SVEP1: variants seen among roughly 807,000 people sequenced by gnomAD.
SVEP1 encodes the protein sushi, von Willebrand factor type A, EGF and pentraxin domain containing 1, also known as sushi, von Willebrand factor type A, EGF and pentraxin domain-containing protein 1.
SVEP1 carries 164 observed loss-of-function variants against 367.3 expected under a neutral mutation model. That is an observed-to-expected ratio of 0.45 (90% confidence interval 0.39 to 0.51). The LOEUF (loss-of-function observed/expected upper bound fraction) is 0.51, where lower values mean the gene tolerates loss of function less well. Among genes scored for constraint, SVEP1 ranks in the 20% least tolerant of loss-of-function variants. The pLI is 0.00. For missense variants in SVEP1, 4,117 were observed against 4,425.3 expected, an observed-to-expected ratio of 0.93 and a Z score of 1.98; for synonymous variants, 1,666 against 1,611.6, an observed-to-expected ratio of 1.03 and a Z score of -0.81.
rs778427738 is a variant in SVEP1, at chr9:110,443,673, G to A, written c.4511C>T (p.Ser1504Leu). 1.4e-5 allele frequency: 23 copies of A among 1,610,810 alleles called. No individual in the cohort carries two copies. The Admixed American group carries it at 1.7e-4, about 12-fold the overall frequency. The change falls in exon 27 of 48, where the codon TCG becomes TTG. Residue 1504 changes from serine to leucine, a missense_variant. By Grantham distance (145) the Ser-to-Leu change is moderately radical (BLOSUM62 -2). Around this residue, in one of 4 missense-constraint regions of SVEP1, gnomAD observed 2,174 missense variants for 2,494.3 expected, o/e 0.87. Transcript: ENST00000374469. ...NGREKITNCP[S>L]VNDGRWHHIA... ...ATGATGCCATCTGCCATCATTCACC[G>A]AGGGACAGTTTGTTATCTTTTCCCT...
chr9:110,390,050 CACGTATATATAT>C lies in SVEP1; in HGVS notation c.9823-475_9823-464del, dbSNP rs1367175205. Among the ~76,000 whole-genome samples the C allele has an allele frequency of 4.3e-5, 5 of 116,034 alleles. No homozygotes were observed. The South Asian group carries it at 1.4e-3, about 33-fold the overall frequency. The allele number at this position is 116,034 out of a possible 152,430, so 76.1% of individuals were successfully genotyped here. ...GTGTATATATATATAAGTATATATA[CACGTATATATAT>C]AAGTATATATATATACGTGTATATA... On this transcript the variant is annotated intron_variant, in intron 40 of 47. Coordinates refer to ENST00000374469, the MANE Select transcript of SVEP1 (RefSeq NM_153366.4).
chr9:110,572,403 CAAT>C (rs767386142), intron 1 of SVEP1, among the ~76,000 whole-genome samples: 5 of 152,062 alleles, frequency 3.3e-5, no homozygotes, highest in African/African-American at 9.7e-5. Context: ...CACTGGCAGC[CAAT>C]AATAATAAGT....
At chr9:110,565,104 T>C (rs72752518) in intron 1 of SVEP1, among the ~76,000 whole-genome samples, 37,659 of 151,968 alleles carry the variant, frequency 0.25, 5,089 homozygotes, top group African/African-American at 0.36. Flanking sequence ...TTTTGTTTTT[T>C]ACCTGAAGAA....
intron 1 of SVEP1, among the ~76,000 whole-genome samples, chr9:110,570,669 C>A (rs112932983): frequency 0.017 from 2,534 of 152,134 alleles, 76 homozygotes; most frequent in African/African-American, 0.058. Flanking sequence ...TTAGTAGAGA[C>A]GGGGTTTCAC....
rs546978468 is a variant in SVEP1 at position 110,527,309 on chromosome 9, A to T, written c.965-13203T>A. On this transcript the variant is annotated intron_variant, in intron 3 of 47. Coordinates refer to ENST00000374469, the MANE Select transcript of SVEP1 (RefSeq NM_153366.4). Reference sequence around the variant, plus strand: ...AAAAATGTAATAAAAATTTTTTTTTAAAAGCAGAAAACAGGGAAGGAAAAT... The same window carrying T: ...AAAAATGTAATAAAAATTTTTTTTTTAAAGCAGAAAACAGGGAAGGAAAAT... Among the ~76,000 whole-genome samples, 5 of 152,136 alleles carry T rather than the reference A, an allele frequency of 3.3e-5. No individual in the cohort carries two copies. In the East Asian group the frequency reaches 7.7e-4, roughly 23 times the overall value.
rs773097858 is a variant in SVEP1, at chr9:110,429,138, G to A, written c.5807+5C>T. 27 of 1,564,994 alleles carry A rather than the reference G, an allele frequency of 1.7e-5. No homozygotes were observed. The South Asian group carries it at 2.8e-4, about 16-fold the overall frequency. ...GAAAGCTTGGTTGGTGTCTACAAATGTTACCTGTATCCTGTATCGCATGAA... is the reference window on the plus strand; with the variant it reads ...GAAAGCTTGGTTGGTGTCTACAAATATTACCTGTATCCTGTATCGCATGAA... On this transcript the variant is annotated splice_donor_5th_base_variant and intron_variant, in intron 35 of 47. Coordinates refer to ENST00000374469, the MANE Select transcript of SVEP1 (RefSeq NM_153366.4).
At chr9:110,528,156 G>GTGTGTATA in intron 3 of SVEP1, among the ~76,000 whole-genome samples, 459 of 33,912 alleles carry the variant, frequency 0.014, 10 homozygotes, top group Non-Finnish European at 0.019. Context: ...GTGTGTGTGT[G>GTGTGTATA]TATATATATA....
At chr9:110,372,529 A>G (rs538223469) in intron 46 of SVEP1, among the ~76,000 whole-genome samples, 1 of 152,336 alleles carries the variant, frequency 6.6e-6, no homozygotes, top group Non-Finnish European at 1.5e-5. Flanking sequence ...ATGCAAATAA[A>G]TCAGATCTAT....
chr9:110,472,360 G>C lies in SVEP1; in HGVS notation c.2600-37C>G, dbSNP rs745542682. ...GGGCAGAGACACAAATGATCACACAGTTGCTTTTTCGTCAGCGTTCAGGTT... is the reference window on the plus strand; with the variant it reads ...GGGCAGAGACACAAATGATCACACACTTGCTTTTTCGTCAGCGTTCAGGTT... On this transcript the variant is annotated intron_variant, in intron 14 of 47. Coordinates refer to ENST00000374469, the MANE Select transcript of SVEP1 (RefSeq NM_153366.4). 9 of 1,525,412 alleles carry C rather than the reference G, an allele frequency of 5.9e-6. No homozygotes were observed. The African/African-American group carries it at 1.3e-4, about 21-fold the overall frequency. 94.5% of individuals were successfully genotyped at this position (1,525,412 alleles called of 1,614,324 possible). A position where few individuals can be genotyped will look rare whatever the true frequency, so the allele number is the denominator to read the frequency against.
rs746989585 is a variant in SVEP1 at position 110,385,884 on chromosome 9, G to T, written c.10237+14C>A. 1.2e-6 allele frequency: 2 copies of T among 1,609,134 alleles called. No individual in the cohort carries two copies. Among genetic ancestry groups the T allele is most frequent in the Non-Finnish European group, 1.7e-6 (2 of 1,177,770 alleles). On this transcript the variant is annotated intron_variant, in intron 43 of 47. Coordinates refer to ENST00000374469, the MANE Select transcript of SVEP1 (RefSeq NM_153366.4). Reference sequence around the variant, plus strand: ...GCACTAGCGGCATGAACTGGCTTCCGCCTGCTGACTTACTTTCACATTTGG... The same window carrying T: ...GCACTAGCGGCATGAACTGGCTTCCTCCTGCTGACTTACTTTCACATTTGG...
At chr9:110,423,162 ATAAAG>A (rs1828193444) in intron 36 of SVEP1, among the ~76,000 whole-genome samples, 1 of 126,832 alleles carries the variant, frequency 7.9e-6, no homozygotes, top group Non-Finnish European at 1.6e-5. Context: ...AAATAAAAAA[ATAAAG>A]TAAAAAAAAA....
chr9:110,458,100 T>A (rs551273858), intron 20 of SVEP1: 1 of 481,182 alleles, frequency 2.1e-6, no homozygotes, highest in African/African-American at 1.9e-5. Context: ...ATAATTTTCA[T>A]GAAAGTTGGG....
intron 45 of SVEP1, 26 bp from the exon 46 acceptor site, chr9:110,375,489 A>AAAAC: frequency 7.3e-7 from 1 of 1,362,662 alleles, no homozygotes; most frequent in Non-Finnish European, 1.0e-6. Context: ...AAAAAAAAAA[A>AAAAC]AGGAGGCAGG....
At position 110,432,442 on chromosome 9, in the gene SVEP1, G is replaced by C; in HGVS notation, c.5233+20C>G. On this transcript the variant is annotated intron_variant, in intron 31 of 47. Coordinates refer to ENST00000374469, the MANE Select transcript of SVEP1 (RefSeq NM_153366.4). ...AGAGCTAGAATAATCTCATATAGTAGTTGCCAACATTTATCTCACCAAGGC... is the reference window on the plus strand; with the variant it reads ...AGAGCTAGAATAATCTCATATAGTACTTGCCAACATTTATCTCACCAAGGC... 6.2e-7 allele frequency: 1 copy of C among 1,603,670 alleles called. No homozygotes were observed. Among genetic ancestry groups the C allele is most frequent in the South Asian group, 1.1e-5 (1 of 88,964 alleles).
In SVEP1 at chr9:110,377,340, C is replaced by A. The variant is rs757404699; in HGVS notation, c.10435G>T (p.Gly3479Trp). 2 of 1,613,800 alleles carry A rather than the reference C, an allele frequency of 1.2e-6. No homozygotes were observed. Among genetic ancestry groups the A allele is most frequent in the Non-Finnish European group, 1.7e-6 (2 of 1,179,744 alleles). ...GCATTTGGGCGTTGGCAGATGCCCC[C>A]ATTCTGACATGGAAATCGACAGACA... ...RAVCRFPCQN[G>W]GICQRPNACS... Residue 3479 changes from glycine (G) to tryptophan (W), a missense_variant, in exon 45 of 48, where the codon GGG (glycine) becomes TGG (tryptophan). By Grantham distance (184) the Gly-to-Trp change is radical. Coordinates refer to ENST00000374469, the MANE Select transcript of SVEP1 (RefSeq NM_153366.4).
intron 46 of SVEP1, among the ~76,000 whole-genome samples, chr9:110,373,394 T>C (rs1827305650): frequency 6.6e-6 from 1 of 152,202 alleles, no homozygotes; most frequent in African/African-American, 2.4e-5. Context: ...CTCATTTCTC[T>C]GGTTTACTTA....
intron 36 of SVEP1, among the ~76,000 whole-genome samples, chr9:110,415,822 A>G (rs776487263): frequency 1.3e-5 from 2 of 152,032 alleles, no homozygotes; most frequent in Admixed American, 6.5e-5. Flanking sequence ...ACAAACAGAA[A>G]AGTAAACTTG....
At chr9:110,367,532 A>ATTGT (rs1271312753) in intron 47 of SVEP1, among the ~76,000 whole-genome samples, 2 of 151,998 alleles carry the variant, frequency 1.3e-5, no homozygotes, top group East Asian at 1.9e-4. Flanking sequence ...GGTAACATTT[A>ATTGT]TTGTTTATTT....
chr9:110,387,254 G>C (rs759171842), intron 42 of SVEP1, 31 bp downstream of exon 42: 1 of 1,546,918 alleles, frequency 6.5e-7, no homozygotes, highest in Non-Finnish European at 8.7e-7. Context: ...AACTGAATCT[G>C]ATTAAAATTT....
Sources: gnomAD v4.1 joint callset for allele counts (sites outside exome capture counted in the v4.1 genomes callset) on GRCh38, gnomAD v4.1.1 for gene constraint, gnomAD v4.1.1 regional missense constraint, MANE v1.5 for transcripts, NCBI Gene and HGNC (gene_info 2026-07-23, HGNC 2026-07-21) for gene names.